Variants in ACER3 observed in about 807,000 individuals in gnomAD.
ACER3 encodes the protein alkaline ceramidase 3.
ACER3 carries 16 observed loss-of-function variants against 48.9 expected under a neutral mutation model. The ratio of observed to expected loss-of-function variants is 0.33; its 90% confidence interval spans 0.22 to 0.50. The LOEUF (loss-of-function observed/expected upper bound fraction) is 0.50, where lower values mean the gene tolerates loss of function less well. Among genes scored for constraint, ACER3 ranks in the 20% least tolerant of loss-of-function variants. The probability of loss-of-function intolerance (pLI) is 0.98; values close to 1 mark genes in which losing one functional copy is unlikely to be tolerated. For synonymous variants in ACER3, 109 were observed against 107.8 expected, an observed-to-expected ratio of 1.01 and a Z score of -0.07; for missense variants, 227 against 326.0, an observed-to-expected ratio of 0.70 and a Z score of 2.34.
In ACER3 at chr11:76,929,383, G is replaced by T. The variant is rs537113154; in HGVS notation, c.214+2716G>T. Among the ~76,000 whole-genome samples the T allele has an allele frequency of 2.6e-5, 4 of 152,292 alleles. No individual in the cohort carries two copies. The East Asian group carries it at 7.7e-4, about 29-fold the overall frequency. ...TGGGCTGAGACGATGGGGTTTTCCA[G>T]ATATACAATCATGTCATCTGCAAAC... On this transcript the variant is annotated intron_variant, in intron 2 of 10. Coordinates refer to ENST00000532485, the MANE Select transcript of ACER3 (RefSeq NM_018367.7).
intron 2 of ACER3, among the ~76,000 whole-genome samples, chr11:76,935,758 G>C (rs1176469821): frequency 2.6e-5 from 4 of 152,296 alleles, no homozygotes; most frequent in East Asian, 1.9e-4. Flanking sequence ...TTTAGTAGCT[G>C]CTAGTCATAT....
chr11:77,024,628 A>AGATC lies in ACER3; in HGVS notation c.*4302_*4305dup, dbSNP rs1272179249. On this transcript the variant is annotated 3_prime_UTR_variant, in exon 11 of 11. Coordinates refer to ENST00000532485, the MANE Select transcript of ACER3 (RefSeq NM_018367.7). ...CCAGCAGAGCAGCTAAGGAGAAGACAGATCATTCAAGAACTTAAGTCGTTT... is the reference window on the plus strand; with the variant it reads ...CCAGCAGAGCAGCTAAGGAGAAGACAGATCGATCATTCAAGAACTTAAGTCGTTT... 1 of 152,254 alleles carries AGATC rather than the reference A, an allele frequency of 6.6e-6. No individual in the cohort carries two copies. Among genetic ancestry groups the AGATC allele is most frequent in the African/African-American group, 2.4e-5 (1 of 41,468 alleles). The allele number at this position is 152,254 out of a possible 1,614,324, so 9.4% of individuals were successfully genotyped here.
At chr11:76,958,570 G>A (rs1357261320) in intron 2 of ACER3, among the ~76,000 whole-genome samples, 1 of 152,180 alleles carries the variant, frequency 6.6e-6, no homozygotes, top group South Asian at 2.1e-4. Flanking sequence ...TCATAGCTCT[G>A]ATAACCAAAT....
intron 6 of ACER3, among the ~76,000 whole-genome samples, chr11:76,997,886 C>A (rs1429802228): frequency 6.6e-6 from 1 of 152,066 alleles, no homozygotes; most frequent in Non-Finnish European, 1.5e-5. Context: ...TATTATAACT[C>A]AAAAGCAAAC....
intron 1 of ACER3, among the ~76,000 whole-genome samples, chr11:76,897,838 G>C (rs12289918): frequency 6.6e-6 from 1 of 152,074 alleles, no homozygotes; most frequent in Non-Finnish European, 1.5e-5. Flanking sequence ...TGAAAAAAGC[G>C]GCTAAGTTGA....
In ACER3 at chr11:77,007,017, CA is replaced by C. The variant is rs1949165213; in HGVS notation, c.498-7998del. On this transcript the variant is annotated intron_variant, in intron 7 of 10. Transcript: ENST00000532485. ...GTCCCAGCTGCTCAGGAGATTGAGG[CA>C]GGAGGATTGTTTGAACCCAGGAGTT... is the stretch of plus-strand genomic sequence containing the variant. Among the ~76,000 whole-genome samples, 8 of 151,098 alleles carry C rather than the reference CA, an allele frequency of 5.3e-5. No homozygotes were observed. In the South Asian group the frequency reaches 1.7e-3, roughly 32 times the overall value.
intron 7 of ACER3, among the ~76,000 whole-genome samples, chr11:76,999,175 G>A (rs1177888186): frequency 1.3e-5 from 2 of 152,066 alleles, no homozygotes; most frequent in Non-Finnish European, 2.9e-5. Flanking sequence ...TACTTGACTA[G>A]GGAATTCCTT....
At chr11:76,871,471 G>T (rs1035592074) in intron 1 of ACER3, among the ~76,000 whole-genome samples, 4 of 152,168 alleles carry the variant, frequency 2.6e-5, no homozygotes, top group Non-Finnish European at 4.4e-5. Context: ...GGTGAGTAGG[G>T]GGCTACAGCT....
chr11:76,980,220 C>T (rs681164), intron 4 of ACER3, among the ~76,000 whole-genome samples: 10,884 of 152,082 alleles, frequency 0.072, 496 homozygotes, highest in Admixed American at 0.15. Context: ...TAGTTTGTCA[C>T]CTTGGTCTAA....
intron 9 of ACER3, among the ~76,000 whole-genome samples, chr11:77,017,751 C>T (rs1422324318): frequency 1.3e-5 from 2 of 152,106 alleles, no homozygotes; most frequent in Non-Finnish European, 2.9e-5. Context: ...TTTGTTTGTA[C>T]TTTTCAGGTA....
intron 1 of ACER3, among the ~76,000 whole-genome samples, chr11:76,904,741 C>A (rs546943246): frequency 2.9e-4 from 44 of 152,320 alleles, no homozygotes; most frequent in Non-Finnish European, 5.4e-4. Flanking sequence ...CATGGTACCA[C>A]CTCCTACTGT....
At position 77,022,886 on chromosome 11, in the gene ACER3, A is replaced by AG. The variant is rs1949494297; in HGVS notation, c.*2559_*2560insG. 5.8e-5 allele frequency: 19 copies of AG among 327,758 alleles called. No homozygotes were observed. Among genetic ancestry groups the AG allele is most frequent in the African/African-American group, 1.9e-4 (9 of 46,950 alleles). The allele number at this position is 327,758 out of a possible 1,614,324, so 20.3% of individuals were successfully genotyped here. A position where few individuals can be genotyped will look rare whatever the true frequency, so the allele number is the denominator to read the frequency against. On this transcript the variant is annotated 3_prime_UTR_variant, in exon 11 of 11. Coordinates refer to ENST00000532485, the MANE Select transcript of ACER3 (RefSeq NM_018367.7). ...TCCGTCTCAAAAAAAAAAAAAAAAA[A>AG]AAAAAAGAAAAGAAAAGAAAATATA... is the stretch of plus-strand genomic sequence containing the variant.
At chr11:76,920,938 C>G (rs1565177672) in intron 1 of ACER3, among the ~76,000 whole-genome samples, 1 of 152,150 alleles carries the variant, frequency 6.6e-6, no homozygotes, top group Non-Finnish European at 1.5e-5. Context: ...AATGCCTGGG[C>G]TGAAACCATT....
In ACER3 at chr11:77,022,011, G is replaced by A. The variant is rs1439593121; in HGVS notation, c.*1684G>A. The A allele has an allele frequency of 1.3e-5, 2 of 152,184 alleles. No homozygotes were observed. The highest frequency in any genetic ancestry group is 4.8e-5 in the African/African-American group (2 of 41,440). 9.4% of individuals were successfully genotyped at this position (152,184 alleles called of 1,614,324 possible). A position where few individuals can be genotyped will look rare whatever the true frequency, so the allele number is the denominator to read the frequency against. ...AACCATTTGAAGGCACAGCCCATAAGACTATACTTGATTTTGCCCCAAGAT... is the reference window on the plus strand; with the variant it reads ...AACCATTTGAAGGCACAGCCCATAAAACTATACTTGATTTTGCCCCAAGAT... On this transcript the variant is annotated 3_prime_UTR_variant, in exon 11 of 11. Coordinates refer to ENST00000532485, the MANE Select transcript of ACER3 (RefSeq NM_018367.7).
chr11:76,862,647 A>T (rs1172580915), intron 1 of ACER3, among the ~76,000 whole-genome samples: 3 of 151,866 alleles, frequency 2.0e-5, no homozygotes, highest in Non-Finnish European at 4.4e-5. Flanking sequence ...ATATAGAATA[A>T]TTTTTTTTTA....
chr11:76,888,244 T>G (rs1376642546), intron 1 of ACER3, among the ~76,000 whole-genome samples: 18 of 152,214 alleles, frequency 1.2e-4, no homozygotes, highest in Non-Finnish European at 1.5e-5. Flanking sequence ...AATAAATGAT[T>G]TGTTTTTTAA....
At chr11:76,881,519 A>C (rs1006190174) in intron 1 of ACER3, among the ~76,000 whole-genome samples, 1 of 152,128 alleles carries the variant, frequency 6.6e-6, no homozygotes, top group African/African-American at 2.4e-5. Context: ...TAGGGATTAC[A>C]ATACATGTCT....
Position 77,026,167 on chromosome 11 carries a change from C to G in ACER3, c.*5840C>G, listed in dbSNP as rs1424120672. The G allele has an allele frequency of 6.6e-6, 1 of 152,138 alleles. No homozygotes were observed. Among genetic ancestry groups the G allele is most frequent in the Non-Finnish European group, 1.5e-5 (1 of 68,030 alleles). The allele number at this position is 152,138 out of a possible 1,614,324, so 9.4% of individuals were successfully genotyped here. On this transcript the variant is annotated 3_prime_UTR_variant, in exon 11 of 11. Coordinates refer to ENST00000532485, the MANE Select transcript of ACER3 (RefSeq NM_018367.7). ...TTGCCCTCAGCTTTTGAGTTGACTT[C>G]CAGAAAGTTGAGATCTTTTGACCAT...
chr11:76,875,732 G>GTTTTTTTTTTTTT lies in ACER3; in HGVS notation c.103+14665_103+14677dup, dbSNP rs71040037. 2.7e-3 allele frequency among the ~76,000 whole-genome samples: 183 copies of GTTTTTTTTTTTTT among 67,076 alleles called. 14 individuals are homozygous for GTTTTTTTTTTTTT. The highest frequency in any genetic ancestry group is 8.6e-3 in the African/African-American group (153 of 17,766). 44.0% of individuals were successfully genotyped at this position (67,076 alleles called of 152,430 possible). A position where few individuals can be genotyped will look rare whatever the true frequency, so the allele number is the denominator to read the frequency against. On this transcript the variant is annotated intron_variant, in intron 1 of 10. Coordinates refer to ENST00000532485, the MANE Select transcript of ACER3 (RefSeq NM_018367.7). ...TTCAATGTAATACACAGTTTTTGTT[G>GTTTTTTTTTTTTT]TTTTTTTTTTTTTTTTTTTTTTTTG...
Sources: allele counts gnomAD v4.1 joint callset (sites outside exome capture counted in the v4.1 genomes callset), GRCh38; gene constraint gnomAD v4.1.1; transcripts MANE v1.5; gene names NCBI Gene and HGNC (gene_info 2026-07-23, HGNC 2026-07-21).